The following GRB14 variants were observed in gnomAD, a reference collection of about 807,000 sequenced individuals.
GRB14 encodes growth factor receptor-bound protein 14.
A neutral mutation model predicts 69.1 loss-of-function variants in GRB14; 38 were observed. That is an observed-to-expected ratio of 0.55 (90% confidence interval 0.42 to 0.72). GRB14 has a LOEUF of 0.72. Ranked by LOEUF, GRB14 falls within the 30% of genes least tolerant of loss-of-function variation. GRB14 has a pLI of 0.00. For synonymous variants in GRB14, 247 were observed against 241.3 expected (o/e 1.02, Z -0.22); for missense variants, 666 against 666.1 (o/e 1.00, Z 0.00).
chr2:164,534,224 A>T (rs1196591271), intron 3 of GRB14, among the ~76,000 whole-genome samples: 2 of 152,180 alleles, frequency 1.3e-5, no homozygotes, highest in Admixed American at 1.3e-4. Flanking sequence ...TAATTTTCTT[A>T]TTGTAGAAAC....
chr2:164,570,168 G>T (rs538831852), intron 2 of GRB14, among the ~76,000 whole-genome samples: 41 of 151,214 alleles, frequency 2.7e-4, no homozygotes, highest in South Asian at 4.2e-4. Flanking sequence ...CCAGCTACTC[G>T]GAAGGCTGAG....
intron 9 of GRB14, among the ~76,000 whole-genome samples, chr2:164,499,127 C>A (rs1403122785): frequency 6.6e-6 from 1 of 152,072 alleles, no homozygotes; most frequent in Non-Finnish European, 1.5e-5. Context: ...ATAGCTTTAT[C>A]CTTATAATAT....
At chr2:164,618,233 G>A (rs1690356333) in intron 2 of GRB14, among the ~76,000 whole-genome samples, 1 of 151,506 alleles carries the variant, frequency 6.6e-6, no homozygotes. Context: ...CCAAAGTGCT[G>A]GGATTACTGG....
At chr2:164,586,859 GA>G (rs1689551043) in intron 2 of GRB14, among the ~76,000 whole-genome samples, 1 of 152,146 alleles carries the variant, frequency 6.6e-6, no homozygotes, top group Non-Finnish European at 1.5e-5. Context: ...TGCAATTGAT[GA>G]TCAAAGATGT....
chr2:164,551,848 T>G (rs1688548436), intron 2 of GRB14, among the ~76,000 whole-genome samples: 1 of 152,186 alleles, frequency 6.6e-6, no homozygotes, highest in African/African-American at 2.4e-5. Flanking sequence ...GTGCTGATAT[T>G]AAGGAATATC....
chr2:164,529,219 A>T (rs1039118399), intron 3 of GRB14, among the ~76,000 whole-genome samples: 1 of 152,176 alleles, frequency 6.6e-6, no homozygotes, highest in Non-Finnish European at 1.5e-5. Flanking sequence ...AAATTCATAG[A>T]GATAGAAAGT....
rs528733229 is a variant in GRB14, at chr2:164,600,625, C to T, written c.324+19062G>A. Among the ~76,000 whole-genome samples the T allele has an allele frequency of 3.9e-5, 6 of 152,272 alleles. No homozygotes were observed. The East Asian group carries it at 1.2e-3, about 29-fold the overall frequency. On this transcript the variant is annotated intron_variant, in intron 2 of 13. Transcript: ENST00000263915. ...GTGTCCAAGGATGAGACCCAGGGAT[C>T]TGCACTTGTATCAAATACTCTAAGC...
intron 3 of GRB14, among the ~76,000 whole-genome samples, chr2:164,540,847 G>C (rs1323460405): frequency 6.6e-6 from 1 of 152,146 alleles, no homozygotes; most frequent in Non-Finnish European, 1.5e-5. Context: ...GTACAAAATT[G>C]TCAATAAATA....
At chr2:164,604,434 G>C (rs916747502) in intron 2 of GRB14, among the ~76,000 whole-genome samples, 4 of 152,070 alleles carry the variant, frequency 2.6e-5, no homozygotes, top group Non-Finnish European at 5.9e-5. Context: ...ACAAGTTGCA[G>C]AGATAGACAT....
intron 2 of GRB14, among the ~76,000 whole-genome samples, chr2:164,592,619 T>C (rs77930813): frequency 0.013 from 1,980 of 152,284 alleles, 37 homozygotes; most frequent in African/African-American, 0.044. Flanking sequence ...GGCCTTCCTC[T>C]TCATTGTCTG....
chr2:164,493,978 A>C (rs950827882), intron 13 of GRB14, among the ~76,000 whole-genome samples: 7 of 152,148 alleles, frequency 4.6e-5, no homozygotes, highest in Admixed American at 2.6e-4. Context: ...ACTTTTAAAA[A>C]TGTGTTCAGA....
At chr2:164,500,013 G>T (rs549805658) in intron 9 of GRB14, among the ~76,000 whole-genome samples, 1 of 152,236 alleles carries the variant, frequency 6.6e-6, no homozygotes, top group Admixed American at 6.5e-5. Context: ...AGATATGTCT[G>T]TTGTAGGGTT....
At chr2:164,620,133 T>A (rs1574364738) in intron 1 of GRB14, among the ~76,000 whole-genome samples, 2 of 130,674 alleles carry the variant, frequency 1.5e-5, no homozygotes. Context: ...GCATAGAAAC[T>A]CCATCACTTT....
chr2:164,508,634 T>A, intron 7 of GRB14, 84 bp from the exon 8 acceptor site: 1 of 1,446,914 alleles, frequency 6.9e-7, no homozygotes, highest in Non-Finnish European at 9.6e-7. Flanking sequence ...AAAATTCTCC[T>A]ATATATAAGA....
chr2:164,507,870 G>A (rs999435127), intron 8 of GRB14, among the ~76,000 whole-genome samples: 5 of 152,094 alleles, frequency 3.3e-5, no homozygotes, highest in African/African-American at 1.2e-4. Flanking sequence ...TCCTATGAGA[G>A]TCTACCTTTA....
chr2:164,605,809 A>G (rs1690027642), intron 2 of GRB14, among the ~76,000 whole-genome samples: 1 of 152,170 alleles, frequency 6.6e-6, no homozygotes, highest in African/African-American at 2.4e-5. Flanking sequence ...TGATATAGAT[A>G]CCAATAAAAT....
chr2:164,581,088 A>C lies in GRB14; in HGVS notation c.325-33272T>G, dbSNP rs537138266. ...GAAATAGGAAATACATTGTATTTCC[A>C]CTATGACATATACAAACCACCCATA... On this transcript the variant is annotated intron_variant, in intron 2 of 13. Coordinates refer to ENST00000263915, the MANE Select transcript of GRB14 (RefSeq NM_004490.3). Among the ~76,000 whole-genome samples the C allele has an allele frequency of 2.6e-5, 4 of 152,330 alleles. No individual in the cohort carries two copies. The South Asian group carries it at 6.2e-4, about 24-fold the overall frequency.
chr2:164,510,979 A>G (rs958807734), intron 6 of GRB14, among the ~76,000 whole-genome samples: 2 of 152,190 alleles, frequency 1.3e-5, no homozygotes, highest in Non-Finnish European at 2.9e-5. Flanking sequence ...GAGACTTTGC[A>G]TTGAACTCAG....
intron 2 of GRB14, among the ~76,000 whole-genome samples, chr2:164,575,737 T>C (rs1464013313): frequency 6.6e-6 from 1 of 152,046 alleles, no homozygotes; most frequent in Non-Finnish European, 1.5e-5. Flanking sequence ...TTTAAGGAAA[T>C]AAGAGGATTA....
Sources: gnomAD v4.1 joint callset for allele counts (sites outside exome capture counted in the v4.1 genomes callset) on GRCh38, gnomAD v4.1.1 for gene constraint, MANE v1.5 for transcripts, NCBI Gene and HGNC (gene_info 2026-07-23, HGNC 2026-07-21) for gene names.